CACNA2D3: variants seen among roughly 807,000 people sequenced by gnomAD.
The protein encoded by CACNA2D3 is calcium voltage-gated channel auxiliary subunit alpha2delta 3.
A neutral mutation model predicts 160.6 loss-of-function variants in CACNA2D3; 60 were observed. That is an observed-to-expected ratio of 0.37 (90% CI 0.30 to 0.46). The LOEUF is 0.46. Among genes scored for constraint, CACNA2D3 ranks in the 20% least tolerant of loss-of-function variants. The pLI, the probability that CACNA2D3 is intolerant of heterozygous loss-of-function variation, is 1.00. For missense variants in CACNA2D3, 1,205 were observed against 1,365.0 expected (o/e 0.88, Z 1.85); for synonymous variants, 558 against 492.9 (o/e 1.13, Z -1.75).
intron 11 of CACNA2D3, among the ~76,000 whole-genome samples, chr3:54,730,933 TTTC>T (rs1559561835): frequency 6.6e-6 from 1 of 152,234 alleles, no homozygotes; most frequent in African/African-American, 2.4e-5. Context: ...TTGGGTTGAT[TTTC>T]TAATTTGAAA....
At chr3:54,857,360 C>A (rs1216813701) in intron 17 of CACNA2D3, among the ~76,000 whole-genome samples, 1 of 152,196 alleles carries the variant, frequency 6.6e-6, no homozygotes, top group Non-Finnish European at 1.5e-5. Flanking sequence ...TAGCATGGCT[C>A]ATACCTGACA....
chr3:54,137,829 C>T (rs1387279863), intron 2 of CACNA2D3, among the ~76,000 whole-genome samples: 1 of 152,146 alleles, frequency 6.6e-6, no homozygotes, highest in Non-Finnish European at 1.5e-5. Flanking sequence ...TGACTCTGAC[C>T]TATAAATTGA....
intron 2 of CACNA2D3, among the ~76,000 whole-genome samples, chr3:54,200,405 A>C (rs145378631): frequency 1.3e-5 from 2 of 152,240 alleles, no homozygotes; most frequent in African/African-American, 2.4e-5. Flanking sequence ...AAAATGCTCT[A>C]TTAAGTTTCT....
At chr3:54,829,885 CTTTTTT>C (rs58291013) in intron 14 of CACNA2D3, among the ~76,000 whole-genome samples, 49 of 64,352 alleles carry the variant, frequency 7.6e-4, no homozygotes, top group African/African-American at 2.2e-3. Flanking sequence ...TCTTCTTCAT[CTTTTTT>C]TTTTTTTTTT....
intron 33 of CACNA2D3, 110 bp downstream of exon 33, chr3:55,007,952 A>G: frequency 4.5e-6 from 3 of 673,142 alleles, no homozygotes; most frequent in Non-Finnish European, 7.1e-6. Context: ...TTAGATTCCT[A>G]GTACTCTGAG....
At chr3:54,753,322 G>C (rs538594027) in intron 12 of CACNA2D3, among the ~76,000 whole-genome samples, 2 of 152,324 alleles carry the variant, frequency 1.3e-5, no homozygotes, top group East Asian at 3.9e-4. Context: ...TATAGGTGGG[G>C]CTTCAAGACT....
intron 17 of CACNA2D3, among the ~76,000 whole-genome samples, chr3:54,846,778 A>G (rs902325826): frequency 2.0e-5 from 3 of 152,220 alleles, no homozygotes; most frequent in Non-Finnish European, 4.4e-5. Context: ...GAAACCTATC[A>G]TAACGGGTCC....
At chr3:54,922,180 TA>T (rs1700872309) in intron 27 of CACNA2D3, among the ~76,000 whole-genome samples, 1 of 152,130 alleles carries the variant, frequency 6.6e-6, no homozygotes, top group Admixed American at 6.5e-5. Flanking sequence ...CTCCCTGACT[TA>T]AAACTATCAG....
At position 54,627,798 on chromosome 3, in the gene CACNA2D3, G is replaced by A. The variant is rs752853096; in HGVS notation, c.975G>A (p.Glu325=). Residue 325 remains glutamate (E), a synonymous_variant, in exon 10 of 38, where the codon GAG becomes GAA. Coordinates refer to ENST00000474759, the MANE Select transcript of CACNA2D3 (RefSeq NM_018398.3). The stretch of plus-strand genomic sequence containing the variant: ...CTTTGCTGTTTCAGCACTTCAGGGA[G>A]CATCTGGACAAACTTTTCGCCAAAG... ...ADRTNKEHFR[E]HLDKLFAKGI... 4.4e-6 allele frequency: 7 copies of A among 1,609,022 alleles called. No homozygotes were observed. The highest frequency in any genetic ancestry group is 1.3e-5 in the African/African-American group (1 of 74,868).
At chr3:54,912,655 A>T (rs1700583380) in intron 27 of CACNA2D3, among the ~76,000 whole-genome samples, 1 of 152,006 alleles carries the variant, frequency 6.6e-6, no homozygotes, top group South Asian at 2.1e-4. Flanking sequence ...TGTAAAATAA[A>T]AACTCTTCCT....
chr3:54,884,346 A>C (rs549053874), intron 21 of CACNA2D3, among the ~76,000 whole-genome samples: 5 of 152,202 alleles, frequency 3.3e-5, no homozygotes, highest in Non-Finnish European at 5.9e-5. Context: ...GATCATATGC[A>C]ATGATGTTCA....
chr3:54,907,378 A>G (rs1262674720), intron 27 of CACNA2D3, among the ~76,000 whole-genome samples: 1 of 152,130 alleles, frequency 6.6e-6, no homozygotes, highest in African/African-American at 2.4e-5. Context: ...CACCAGAGAA[A>G]AGGGAAGGAA....
At chr3:54,638,430 T>C (rs1699427472) in intron 10 of CACNA2D3, 1 of 151,928 alleles carries the variant, frequency 6.6e-6, no homozygotes, top group Admixed American at 6.6e-5. Context: ...GGAATGAAAC[T>C]GTAAGCCGGA....
intron 12 of CACNA2D3, among the ~76,000 whole-genome samples, chr3:54,755,306 G>T (rs1701950175): frequency 6.6e-6 from 1 of 152,084 alleles, no homozygotes; most frequent in South Asian, 2.1e-4. Flanking sequence ...GCTTCTGTGG[G>T]GGGGCTCAGC....
rs1227858477 is a variant in CACNA2D3, at chr3:54,123,591, A to G, written c.201A>G (p.Gln67=). Residue 67 remains glutamine (Q), a synonymous_variant, in exon 2 of 38, where the codon CAA becomes CAG. Transcript: ENST00000474759. The part of the protein sequence containing the change: ...AAKYSGSQLL[Q]KKYKEYEKDV... ...AGTACTCCGGTTCCCAGCTTCTGCA[A>G]AAGGTAAGGTTTCTGTGGTGGCAGG... is the stretch of plus-strand genomic sequence containing the variant. 1.2e-6 allele frequency: 2 copies of G among 1,613,308 alleles called. No individual in the cohort carries two copies. Among genetic ancestry groups the G allele is most frequent in the Non-Finnish European group, 1.7e-6 (2 of 1,179,318 alleles).
At chr3:54,900,891 G>C (rs1459026711) in intron 27 of CACNA2D3, among the ~76,000 whole-genome samples, 1 of 152,160 alleles carries the variant, frequency 6.6e-6, no homozygotes, top group East Asian at 1.9e-4. Flanking sequence ...TGTATTAGTA[G>C]GGTTGAAAGA....
intron 11 of CACNA2D3, among the ~76,000 whole-genome samples, chr3:54,674,185 C>A (rs1352783721): frequency 2.0e-5 from 3 of 152,186 alleles, no homozygotes; most frequent in Non-Finnish European, 4.4e-5. Flanking sequence ...TTTTAGCCAG[C>A]AAAAGCTTTG....
At chr3:54,279,826 G>A (rs986814177) in intron 2 of CACNA2D3, among the ~76,000 whole-genome samples, 4 of 152,172 alleles carry the variant, frequency 2.6e-5, no homozygotes, top group Admixed American at 2.0e-4. Flanking sequence ...AACTCCATGT[G>A]GTTGGTAGAC....
intron 4 of CACNA2D3, among the ~76,000 whole-genome samples, chr3:54,435,898 C>A (rs905851679): frequency 1.3e-5 from 2 of 151,860 alleles, no homozygotes; most frequent in African/African-American, 4.8e-5. Context: ...TAAAAGAGAA[C>A]CAAGTGGAAA....
Sources: allele counts gnomAD v4.1 joint callset (sites outside exome capture counted in the v4.1 genomes callset), GRCh38; gene constraint gnomAD v4.1.1; transcripts MANE v1.5; gene names NCBI Gene and HGNC (gene_info 2026-07-23, HGNC 2026-07-21).